Variants in CTDSPL2 observed in about 807,000 individuals in gnomAD.
The protein encoded by CTDSPL2 is CTD small phosphatase like 2.
CTDSPL2 carries 5 observed loss-of-function variants against 60.0 expected under a neutral mutation model. The ratio of observed to expected loss-of-function variants is 0.08; its 90% CI spans 0.04 to 0.18. The LOEUF is 0.18. Among genes scored for constraint, CTDSPL2 ranks in the 10% least tolerant of loss-of-function variants. The pLI is 1.00. For missense variants in CTDSPL2, 370 were observed against 548.8 expected (o/e 0.67, Z 3.26); for synonymous variants, 186 against 189.3 (o/e 0.98, Z 0.14).
chr15:44,513,044 C>T (rs1220401249), intron 8 of CTDSPL2, among the ~76,000 whole-genome samples: 1 of 149,838 alleles, frequency 6.7e-6, no homozygotes, highest in African/African-American at 2.5e-5. Context: ...TGCATTCCAG[C>T]CTGGGGGAAA....
At chr15:44,502,071 A>C (rs748013878) in intron 8 of CTDSPL2, 2 of 445,140 alleles carry the variant, frequency 4.5e-6, no homozygotes, top group Non-Finnish European at 9.0e-6. Flanking sequence ...TTAAATCTTT[A>C]ACCACTGTAC....
chr15:44,511,888 A>G (rs938231132), intron 8 of CTDSPL2, among the ~76,000 whole-genome samples: 18 of 151,480 alleles, frequency 1.2e-4, no homozygotes, highest in Admixed American at 1.3e-4. Context: ...AAAAAAAAAA[A>G]AAAAGAAAAT....
chr15:44,521,870 G>C (rs1342473956), intron 12 of CTDSPL2, among the ~76,000 whole-genome samples: 1 of 144,482 alleles, frequency 6.9e-6, no homozygotes, highest in Non-Finnish European at 1.5e-5. Flanking sequence ...CCCGGGAGGC[G>C]GAGCTTGCAG....
intron 8 of CTDSPL2, among the ~76,000 whole-genome samples, chr15:44,504,621 T>C (rs2081429115): frequency 6.6e-6 from 1 of 151,928 alleles, no homozygotes; most frequent in Non-Finnish European, 1.5e-5. Flanking sequence ...TTGTAATCCC[T>C]GCACTGGGAG....
intron 5 of CTDSPL2, among the ~76,000 whole-genome samples, chr15:44,493,500 A>C (rs1238843521): frequency 6.6e-6 from 1 of 152,236 alleles, no homozygotes; most frequent in African/African-American, 2.4e-5. Context: ...TAAGCACTTA[A>C]CAAATATTCT....
rs58034708 is a variant in CTDSPL2, at chr15:44,472,543, G to GT, written c.187-11668dup. 4.2e-3 allele frequency among the ~76,000 whole-genome samples: 580 copies of GT among 139,020 alleles called. 2 individuals are homozygous for GT. Among genetic ancestry groups the GT allele is most frequent in the Middle Eastern group, 7.4e-3 (2 of 272 alleles). The allele number at this position is 139,020 out of a possible 152,430, so 91.2% of individuals were successfully genotyped here. ...TTTTATTATTGAATTGTAAGAGGTGGTTTTTTTTTTTTTGGCATGATCTCG... is the reference window on the plus strand; with the variant it reads ...TTTTATTATTGAATTGTAAGAGGTGGTTTTTTTTTTTTTTGGCATGATCTCG... On this transcript the variant is annotated intron_variant, in intron 2 of 12. Transcript: ENST00000260327.
chr15:44,434,987 C>A (rs923079892), intron 1 of CTDSPL2, among the ~76,000 whole-genome samples: 1 of 152,142 alleles, frequency 6.6e-6, no homozygotes, highest in African/African-American at 2.4e-5. Context: ...TTCGACCAGA[C>A]ACAGTGGCGC....
At chr15:44,433,008 G>A (rs1023245548) in intron 1 of CTDSPL2, among the ~76,000 whole-genome samples, 4 of 151,996 alleles carry the variant, frequency 2.6e-5, no homozygotes, top group African/African-American at 9.7e-5. Flanking sequence ...AAATGTGTTT[G>A]TGGATTTGAT....
intron 1 of CTDSPL2, among the ~76,000 whole-genome samples, chr15:44,434,708 A>G (rs949498253): frequency 2.0e-5 from 3 of 151,754 alleles, no homozygotes; most frequent in East Asian, 3.9e-4. Context: ...CCAAAAACAC[A>G]TTCTTTTCTT....
chr15:44,470,542 G>A (rs1342852204), intron 2 of CTDSPL2: 2 of 151,898 alleles, frequency 1.3e-5, no homozygotes, highest in Non-Finnish European at 2.9e-5. Flanking sequence ...CCACCTCCTG[G>A]ATTCGAGCAG....
chr15:44,443,740 CT>C (rs1311173760), intron 1 of CTDSPL2, among the ~76,000 whole-genome samples: 1 of 151,960 alleles, frequency 6.6e-6, no homozygotes, highest in Non-Finnish European at 1.5e-5. Flanking sequence ...TATTCAAGTC[CT>C]TTGCACATTT....
At chr15:44,430,970 C>T (rs983242743) in intron 1 of CTDSPL2, among the ~76,000 whole-genome samples, 5 of 151,774 alleles carry the variant, frequency 3.3e-5, no homozygotes, top group South Asian at 2.1e-4. Flanking sequence ...TACAGGCACG[C>T]GCCACCACAC....
At chr15:44,467,974 GT>G (rs1567076807) in intron 2 of CTDSPL2, among the ~76,000 whole-genome samples, 1 of 151,882 alleles carries the variant, frequency 6.6e-6, no homozygotes, top group Non-Finnish European at 1.5e-5. Flanking sequence ...AAGAATTTTT[GT>G]ATCTGTATTC....
chr15:44,497,633 G>A lies in CTDSPL2; in HGVS notation c.882+495G>A, dbSNP rs561022644. On this transcript the variant is annotated intron_variant, in intron 7 of 12. Coordinates refer to ENST00000260327, the MANE Select transcript of CTDSPL2 (RefSeq NM_016396.3). Reference sequence around the variant, plus strand: ...GATCCGCCCGCCTCGGCCTCCCAAAGTGTTGGAATTACAGGCATGAGCCAC... The same window carrying A: ...GATCCGCCCGCCTCGGCCTCCCAAAATGTTGGAATTACAGGCATGAGCCAC... Among the ~76,000 whole-genome samples, 339 of 152,240 alleles carry A rather than the reference G, an allele frequency of 2.2e-3. 1 individual carries two copies. Among genetic ancestry groups the A allele is most frequent in the African/African-American group, 7.9e-3 (328 of 41,546 alleles).
At chr15:44,438,260 T>C (rs1005121859) in intron 1 of CTDSPL2, among the ~76,000 whole-genome samples, 2 of 139,110 alleles carry the variant, frequency 1.4e-5, no homozygotes, top group African/African-American at 5.3e-5. Context: ...CGAGACTCCG[T>C]CTCAAAAAAA....
In CTDSPL2 at chr15:44,495,659, C is replaced by T. The variant is rs541521451; in HGVS notation, c.692-721C>T. ...TTTTAAAGACTGTTCATGGTCCGGG[C>T]GCAGTGGCTCACGCCTGTAATCCCA... is the stretch of plus-strand genomic sequence containing the variant. On this transcript the variant is annotated intron_variant, in intron 5 of 12. Transcript: ENST00000260327. 8.6e-5 allele frequency among the ~76,000 whole-genome samples: 13 copies of T among 151,380 alleles called. No homozygotes were observed. The South Asian group carries it at 1.0e-3, about 12-fold the overall frequency.
chr15:44,490,679 A>C (rs149011224), intron 4 of CTDSPL2, 105 bp from the exon 5 acceptor site: 27 of 812,084 alleles, frequency 3.3e-5, no homozygotes, highest in African/African-American at 3.3e-4. Flanking sequence ...TTGTTCCTGC[A>C]GGAATGATCA....
chr15:44,463,824 A>G (rs986329756), intron 2 of CTDSPL2, among the ~76,000 whole-genome samples: 36 of 152,190 alleles, frequency 2.4e-4, no homozygotes, highest in African/African-American at 8.4e-4. Flanking sequence ...GTCTTTTTCA[A>G]AATTTGGGTA....
chr15:44,474,079 C>T (rs1264559732), intron 2 of CTDSPL2, among the ~76,000 whole-genome samples: 4 of 152,086 alleles, frequency 2.6e-5, no homozygotes, highest in African/African-American at 2.4e-5. Flanking sequence ...CTACCTGCCT[C>T]GCCTTCCCAA....
Sources: gnomAD v4.1 joint callset for allele counts (sites outside exome capture counted in the v4.1 genomes callset) on GRCh38, gnomAD v4.1.1 for gene constraint, MANE v1.5 for transcripts, NCBI Gene and HGNC (gene_info 2026-07-23, HGNC 2026-07-21) for gene names.